Variants in BMERB1 observed in about 807,000 individuals in gnomAD.
BMERB1 encodes bMERB domain containing 1, also known as bMERB domain-containing protein 1.
A neutral mutation model predicts 23.6 loss-of-function variants in BMERB1; 12 were observed. That is an observed-to-expected ratio of 0.51 (90% CI 0.33 to 0.82). The LOEUF (loss-of-function observed/expected upper bound fraction) is 0.82, where lower values mean the gene tolerates loss of function less well. Ranked by LOEUF, BMERB1 falls within the 40% of genes least tolerant of loss-of-function variation. The probability of loss-of-function intolerance (pLI) is 0.03; values close to 1 mark genes in which losing one functional copy is unlikely to be tolerated. For synonymous variants in BMERB1, 122 were observed against 96.6 expected, an observed-to-expected ratio of 1.26 and a Z score of -1.54; for missense variants, 247 against 255.4, an observed-to-expected ratio of 0.97 and a Z score of 0.22.
At chr16:15,585,426 C>T (rs770725059) in intron 5 of BMERB1, among the ~76,000 whole-genome samples, 2 of 152,164 alleles carry the variant, frequency 1.3e-5, no homozygotes, top group Middle Eastern at 3.2e-3. Context: ...TCTCTGGGAT[C>T]CTAGCAGATT....
chr16:15,581,477 G>A, intron 4 of BMERB1, 146 bp downstream of exon 4: 1 of 571,564 alleles, frequency 1.7e-6, no homozygotes, highest in Non-Finnish European at 3.1e-6. Context: ...TGAATCCCAA[G>A]GAACCCCAGC....
intron 1 of BMERB1, among the ~76,000 whole-genome samples, chr16:15,445,830 T>G (rs1369929986): frequency 6.6e-6 from 1 of 152,140 alleles, no homozygotes; most frequent in Non-Finnish European, 1.5e-5. Flanking sequence ...TACACAAATG[T>G]TCATAGCAGC....
At chr16:15,481,094 A>T (rs1190006125) in intron 1 of BMERB1, among the ~76,000 whole-genome samples, 1 of 152,196 alleles carries the variant, frequency 6.6e-6, no homozygotes, top group Non-Finnish European at 1.5e-5. Context: ...TTATGTAGCT[A>T]TTTGGAAAAG....
chr16:15,483,702 C>A (rs1408754993), intron 1 of BMERB1, among the ~76,000 whole-genome samples: 1 of 152,096 alleles, frequency 6.6e-6, no homozygotes, highest in African/African-American at 2.4e-5. Context: ...GTTTGAGTCC[C>A]AGCTCTCTGC....
chr16:15,495,522 C>T lies in BMERB1; in HGVS notation c.107-19783C>T, dbSNP rs556907960. ...CTGGGACTACAGGCATCTGCCACCA[C>T]GCCTGGCTAATTTTTTGTATTTTTT... is the stretch of plus-strand genomic sequence containing the variant. On this transcript the variant is annotated intron_variant, in intron 1 of 5. Transcript: ENST00000300006. Among the ~76,000 whole-genome samples the T allele has an allele frequency of 2.9e-3, 448 of 152,272 alleles. 5 individuals carry two copies. Among genetic ancestry groups the T allele is most frequent in the African/African-American group, 0.01 (430 of 41,558 alleles).
intron 1 of BMERB1, among the ~76,000 whole-genome samples, chr16:15,436,685 C>T (rs564757848): frequency 1.3e-5 from 2 of 151,798 alleles, no homozygotes; most frequent in African/African-American, 4.8e-5. Context: ...TCTGTGTCCC[C>T]CCATCCCAAT....
At chr16:15,549,167 C>T (rs1429182098) in intron 2 of BMERB1, among the ~76,000 whole-genome samples, 4 of 150,884 alleles carry the variant, frequency 2.7e-5, no homozygotes, top group Non-Finnish European at 5.9e-5. Flanking sequence ...GGTAAAACCC[C>T]AACTCTACTA....
chr16:15,548,237 G>A (rs958391945), intron 2 of BMERB1, among the ~76,000 whole-genome samples: 2 of 152,112 alleles, frequency 1.3e-5, no homozygotes, highest in Non-Finnish European at 2.9e-5. Context: ...TGCTGGTCTT[G>A]GCCTTTCAAA....
At chr16:15,442,370 G>A (rs1441584827) in intron 1 of BMERB1, among the ~76,000 whole-genome samples, 1 of 151,782 alleles carries the variant, frequency 6.6e-6, no homozygotes, top group Non-Finnish European at 1.5e-5. Context: ...GATAGATTCT[G>A]CACTGTCTCT....
chr16:15,554,680 T>TC (rs2030198025), intron 2 of BMERB1, among the ~76,000 whole-genome samples: 1 of 151,046 alleles, frequency 6.6e-6, no homozygotes, highest in African/African-American at 2.5e-5. Flanking sequence ...TTTTCTTTTT[T>TC]TTTTTAGATG....
intron 2 of BMERB1, among the ~76,000 whole-genome samples, chr16:15,534,597 T>G (rs889759978): frequency 6.6e-6 from 1 of 152,134 alleles, no homozygotes; most frequent in Non-Finnish European, 1.5e-5. Flanking sequence ...GTGGTATCCA[T>G]ATGGCCATAA....
At chr16:15,490,949 A>C (rs2150939087) in intron 1 of BMERB1, among the ~76,000 whole-genome samples, 1 of 152,166 alleles carries the variant, frequency 6.6e-6, no homozygotes, top group African/African-American at 2.4e-5. Flanking sequence ...GGGCTTGAGC[A>C]ATCCTCCCAC....
chr16:15,457,411 G>C (rs547888205), intron 1 of BMERB1, among the ~76,000 whole-genome samples: 1 of 152,248 alleles, frequency 6.6e-6, no homozygotes, highest in East Asian at 1.9e-4. Context: ...TCTGACTCTT[G>C]CCTCCAGTTG....
chr16:15,498,500 G>C (rs1006955082), intron 1 of BMERB1, among the ~76,000 whole-genome samples: 1 of 151,378 alleles, frequency 6.6e-6, no homozygotes, highest in Non-Finnish European at 1.5e-5. Flanking sequence ...CTCCAGACTT[G>C]GTAATAGAGT....
rs779951462 is a variant in BMERB1 at position 15,567,917 on chromosome 16, G to A, written c.231-66G>A. ...CTTTAATAGCTTCTTTGTGTTAACC[G>A]GGTGATGCTCAGGGCGTAATGCTCT... On this transcript the variant is annotated intron_variant, in intron 2 of 5. Transcript: ENST00000300006. 6.7e-5 allele frequency: 95 copies of A among 1,420,858 alleles called. 1 individual carries two copies. Among genetic ancestry groups the A allele is most frequent in the Non-Finnish European group, 8.6e-5 (88 of 1,022,374 alleles). The allele number at this position is 1,420,858 out of a possible 1,614,324, so 88.0% of individuals were successfully genotyped here.
chr16:15,587,347 T>G lies in BMERB1; in HGVS notation c.*518T>G. On this transcript the variant is annotated 3_prime_UTR_variant, in exon 6 of 6. Coordinates refer to ENST00000300006, the MANE Select transcript of BMERB1 (RefSeq NM_033201.3). ...CCTGGAGGGCTCCACATGGCCCCCGTGTCTCTCGGGCACCACCCATATAGC... is the reference window on the plus strand; with the variant it reads ...CCTGGAGGGCTCCACATGGCCCCCGGGTCTCTCGGGCACCACCCATATAGC... The G allele has an allele frequency of 4.1e-6, 1 of 244,856 alleles. No homozygotes were observed. The highest frequency in any genetic ancestry group is 8.5e-6 in the Non-Finnish European group (1 of 117,376). 15.2% of individuals were successfully genotyped at this position (244,856 alleles called of 1,614,324 possible).
chr16:15,507,726 C>G (rs915159516), intron 1 of BMERB1, among the ~76,000 whole-genome samples: 1 of 152,136 alleles, frequency 6.6e-6, no homozygotes, highest in Non-Finnish European at 1.5e-5. Context: ...TTCTATCACA[C>G]AAGTTCAGAC....
intron 1 of BMERB1, among the ~76,000 whole-genome samples, chr16:15,498,347 G>A (rs2051495407): frequency 6.6e-6 from 1 of 152,044 alleles, no homozygotes; most frequent in Admixed American, 6.6e-5. Context: ...CAGCCTGGGT[G>A]ACATGGTGAG....
intron 1 of BMERB1, among the ~76,000 whole-genome samples, chr16:15,468,142 T>C (rs1268020013): frequency 7.0e-5 from 5 of 71,668 alleles, no homozygotes; most frequent in African/African-American, 2.0e-4. Flanking sequence ...CTTCTTTTTT[T>C]TTTTTTTTTT....
Sources: allele counts gnomAD v4.1 joint callset (sites outside exome capture counted in the v4.1 genomes callset), GRCh38; gene constraint gnomAD v4.1.1; transcripts MANE v1.5; gene names NCBI Gene and HGNC (gene_info 2026-07-23, HGNC 2026-07-21).